Variants in CSMD3 observed in about 807,000 individuals in gnomAD.
CSMD3 encodes the protein CUB and Sushi multiple domains 3.
A neutral mutation model predicts 435.2 loss-of-function variants in CSMD3; 177 were observed. The ratio of observed to expected loss-of-function variants is 0.41; its 90% CI spans 0.36 to 0.46. The LOEUF (loss-of-function observed/expected upper bound fraction) is 0.46, where lower values mean the gene tolerates loss of function less well. Ranked by LOEUF, CSMD3 falls within the 20% of genes least tolerant of loss-of-function variation. The pLI, the probability that CSMD3 is intolerant of heterozygous loss-of-function variation, is 0.34. For synonymous variants in CSMD3, 1,656 were observed against 1,520.5 expected (o/e 1.09, Z -2.07); for missense variants, 4,265 against 4,504.6 (o/e 0.95, Z 1.52).
rs530448972 is a variant in CSMD3 at position 112,910,642 on chromosome 8, G to A, written c.1633+10985C>T. On this transcript the variant is annotated intron_variant, in intron 10 of 70. Transcript: ENST00000297405. Reference sequence around the variant, plus strand: ...CACCTGTATTTTCAACTTCTCTCAAGCATTGTATCTTTGTCCTCATTACTT... The same window carrying A: ...CACCTGTATTTTCAACTTCTCTCAAACATTGTATCTTTGTCCTCATTACTT... Among the ~76,000 whole-genome samples the A allele has an allele frequency of 2.9e-3, 436 of 151,854 alleles. 4 individuals are homozygous for A. The highest frequency in any genetic ancestry group is 9.9e-3 in the African/African-American group (412 of 41,480).
intron 35 of CSMD3, among the ~76,000 whole-genome samples, chr8:112,402,945 T>C (rs1274646532): frequency 6.6e-6 from 1 of 152,158 alleles, no homozygotes; most frequent in African/African-American, 2.4e-5. Context: ...TTGTGTTGTA[T>C]GTATTGTGGT....
At chr8:112,972,737 A>G (rs979798184) in intron 7 of CSMD3, among the ~76,000 whole-genome samples, 7 of 151,968 alleles carry the variant, frequency 4.6e-5, no homozygotes, top group African/African-American at 1.7e-4. Flanking sequence ...TTTGACAACT[A>G]TTTTTTAAAA....
intron 58 of CSMD3, among the ~76,000 whole-genome samples, chr8:112,281,890 C>T (rs1412618790): frequency 1.3e-5 from 2 of 151,790 alleles, no homozygotes; most frequent in African/African-American, 2.4e-5. Flanking sequence ...AAAACTAAAC[C>T]GAGTAAAAAC....
At chr8:113,270,009 C>G (rs1292556071) in intron 3 of CSMD3, among the ~76,000 whole-genome samples, 1 of 151,130 alleles carries the variant, frequency 6.6e-6, no homozygotes, top group African/African-American at 2.4e-5. Flanking sequence ...AAGAAACTAC[C>G]ATCAGAGTGA....
chr8:112,692,262 A>C (rs2076154123), intron 13 of CSMD3, among the ~76,000 whole-genome samples: 1 of 152,168 alleles, frequency 6.6e-6, no homozygotes, highest in South Asian at 2.1e-4. Flanking sequence ...CTTATTTATT[A>C]AAAAATAAAA....
chr8:112,671,456 C>A (rs573871917), intron 16 of CSMD3, among the ~76,000 whole-genome samples: 1 of 152,092 alleles, frequency 6.6e-6, no homozygotes, highest in Non-Finnish European at 1.5e-5. Flanking sequence ...CAACCTACCC[C>A]CTAACATGCT....
chr8:112,780,358 T>C (rs1376939557), intron 13 of CSMD3, among the ~76,000 whole-genome samples: 4 of 152,018 alleles, frequency 2.6e-5, no homozygotes, highest in Non-Finnish European at 4.4e-5. Flanking sequence ...AATGAATATA[T>C]TCAATAAAAT....
At chr8:113,086,479 C>G (rs1192297622) in intron 5 of CSMD3, among the ~76,000 whole-genome samples, 1 of 152,046 alleles carries the variant, frequency 6.6e-6, no homozygotes, top group African/African-American at 2.4e-5. Context: ...AACAATTCTT[C>G]ATAAACAATA....
intron 2 of CSMD3, among the ~76,000 whole-genome samples, chr8:113,280,061 G>T (rs1031376145): frequency 6.6e-6 from 1 of 151,644 alleles, no homozygotes; most frequent in Admixed American, 6.6e-5. Flanking sequence ...TTTTGGATTC[G>T]GTTAGCTAGT....
intron 10 of CSMD3, among the ~76,000 whole-genome samples, chr8:112,918,950 A>T (rs1587668931): frequency 6.6e-6 from 1 of 151,740 alleles, no homozygotes; most frequent in East Asian, 1.9e-4. Context: ...CATGAGAACT[A>T]CTCTTTGTCC....
At chr8:112,844,605 G>A (rs541313715) in intron 11 of CSMD3, among the ~76,000 whole-genome samples, 1 of 152,082 alleles carries the variant, frequency 6.6e-6, no homozygotes, top group African/African-American at 2.4e-5. Context: ...ACACCATGTT[G>A]CAACCTAAGA....
intron 35 of CSMD3, among the ~76,000 whole-genome samples, chr8:112,398,541 C>T (rs1213406182): frequency 1.3e-5 from 2 of 152,100 alleles, no homozygotes; most frequent in Non-Finnish European, 2.9e-5. Context: ...TCCAGGACAC[C>T]CTTTGAAATC....
intron 5 of CSMD3, among the ~76,000 whole-genome samples, chr8:113,045,259 G>C (rs1205907781): frequency 2.0e-5 from 3 of 149,054 alleles, no homozygotes; most frequent in East Asian, 1.9e-4. Context: ...TGCCCTACTA[G>C]TTTTCTAAAG....
At chr8:112,323,293 T>C (rs1823174122) in intron 45 of CSMD3, among the ~76,000 whole-genome samples, 2 of 152,104 alleles carry the variant, frequency 1.3e-5, no homozygotes. Context: ...TAGTATGTTC[T>C]TTAACATAAC....
intron 32 of CSMD3, among the ~76,000 whole-genome samples, chr8:112,446,103 T>C (rs1815576199): frequency 6.6e-6 from 1 of 152,202 alleles, no homozygotes; most frequent in South Asian, 2.1e-4. Context: ...TCAATGAACA[T>C]CCATGATAAC....
chr8:112,389,711 A>C (rs1223947111), intron 36 of CSMD3, among the ~76,000 whole-genome samples: 1 of 152,192 alleles, frequency 6.6e-6, no homozygotes, highest in Non-Finnish European at 1.5e-5. Flanking sequence ...ATATGTCTCA[A>C]GTTTCTAAAG....
At chr8:112,743,228 G>T (rs755277213) in intron 13 of CSMD3, among the ~76,000 whole-genome samples, 2 of 151,256 alleles carry the variant, frequency 1.3e-5, no homozygotes, top group East Asian at 3.9e-4. Flanking sequence ...GCTTGCAGTG[G>T]AAAATAGTTT....
chr8:112,726,335 T>G (rs982612614), intron 13 of CSMD3, among the ~76,000 whole-genome samples: 1 of 151,886 alleles, frequency 6.6e-6, no homozygotes, highest in East Asian at 1.9e-4. Flanking sequence ...ACTTGCTTGT[T>G]GTTTAGGTAG....
chr8:113,142,340 G>A (rs1311468711), intron 4 of CSMD3, among the ~76,000 whole-genome samples: 2 of 151,158 alleles, frequency 1.3e-5, no homozygotes, highest in Non-Finnish European at 3.0e-5. Flanking sequence ...AGAATTAAAT[G>A]GATGAATTGT....
Sources: allele counts gnomAD v4.1 joint callset (sites outside exome capture counted in the v4.1 genomes callset), GRCh38; gene constraint gnomAD v4.1.1; transcripts MANE v1.5; gene names NCBI Gene and HGNC (gene_info 2026-07-23, HGNC 2026-07-21).